Variants in GNAO1 observed in about 807,000 individuals in gnomAD.
GNAO1 encodes the protein G protein subunit alpha o1.
For synonymous variants in GNAO1, 164 were observed against 180.7 expected, an observed-to-expected ratio of 0.91 and a Z score of 0.74; for missense variants, 166 against 478.7, an observed-to-expected ratio of 0.35 and a Z score of 6.10.
chr16:56,218,480 C>T (rs181547458), intron 2 of GNAO1, among the ~76,000 whole-genome samples: 4 of 152,032 alleles, frequency 2.6e-5, no homozygotes, highest in East Asian at 1.9e-4. Context: ...TGAGAGATGA[C>T]GAGACCTGGT....
intron 3 of GNAO1, chr16:56,276,814 T>A (rs1259675818): frequency 2.0e-5 from 3 of 152,170 alleles, no homozygotes; most frequent in Non-Finnish European, 4.4e-5. Flanking sequence ...CAGCTCTTTG[T>A]CCCTGTTTGG....
At chr16:56,247,071 C>G (rs2036752749) in intron 2 of GNAO1, among the ~76,000 whole-genome samples, 1 of 152,218 alleles carries the variant, frequency 6.6e-6, no homozygotes. Flanking sequence ...TCCCCGCAGT[C>G]TAATCCACTG....
At position 56,237,995 on chromosome 16, in the gene GNAO1, C is replaced by A. The variant is rs534537082; in HGVS notation, c.162-37936C>A. ...CATCTTTCTCAAAACTTTGGGCCAG[C>A]AGCATTATTTCATACATTTTACAAT... On this transcript the variant is annotated intron_variant, in intron 2 of 8. Transcript: ENST00000262493. 3.0e-3 allele frequency among the ~76,000 whole-genome samples: 451 copies of A among 152,282 alleles called. 2 individuals carry two copies. The highest frequency in any genetic ancestry group is 0.01 in the Middle Eastern group (3 of 294).
chr16:56,199,177 G>A (rs2036259970), intron 2 of GNAO1, among the ~76,000 whole-genome samples: 1 of 152,194 alleles, frequency 6.6e-6, no homozygotes, highest in Non-Finnish European at 1.5e-5. Context: ...TCCCATGGGG[G>A]TGTAGGGTAT....
intron 2 of GNAO1, chr16:56,194,348 T>C (rs1234874254): frequency 1.6e-5 from 7 of 442,140 alleles, no homozygotes; most frequent in Admixed American, 1.2e-4. Flanking sequence ...GATCTGTAAA[T>C]GCAAGCCGCG....
At chr16:56,254,651 A>T (rs7186785) in intron 2 of GNAO1, among the ~76,000 whole-genome samples, 19,608 of 152,084 alleles carry the variant, frequency 0.13, 1,588 homozygotes, top group African/African-American at 0.22. Context: ...TTCTGTTTTT[A>T]ATGAGTAATC....
chr16:56,244,969 GC>G (rs1413359877), intron 2 of GNAO1, among the ~76,000 whole-genome samples: 3 of 152,110 alleles, frequency 2.0e-5, no homozygotes, highest in Non-Finnish European at 4.4e-5. Context: ...GCTACTGATG[GC>G]CCCTCGGGTC....
Position 56,351,415 on chromosome 16 carries a change from A to G in GNAO1, c.755A>G (p.Asp252Gly). The G allele has an allele frequency of 6.2e-7, 1 of 1,612,420 alleles. No individual in the cohort carries two copies. ...NRMHESLMLF[D>G]SICNNKFFID... is the part of the protein sequence containing the mutation. Reference sequence around the variant, plus strand: ...ATGCACGAGTCTCTCATGCTCTTCGACTCCATCTGTAACAACAAGTTCTTC... The same window carrying G: ...ATGCACGAGTCTCTCATGCTCTTCGGCTCCATCTGTAACAACAAGTTCTTC... Residue 252 changes from aspartate (D) to glycine (G), a missense_variant, in exon 7 of 9, where the codon GAC becomes GGC. Physicochemically the swap from Asp to Gly is moderately conservative, Grantham distance 94. Coordinates refer to ENST00000262493, the MANE Select transcript of GNAO1 (RefSeq NM_020988.3). The surrounding 1 kb of genome is among the most constrained non-coding windows in gnomAD (Gnocchi z 6.1).
At chr16:56,212,149 T>C (rs2036395182) in intron 2 of GNAO1, among the ~76,000 whole-genome samples, 1 of 152,216 alleles carries the variant, frequency 6.6e-6, no homozygotes, top group African/African-American at 2.4e-5. Context: ...AAAATGTAAA[T>C]GTTCTTTTCA....
chr16:56,324,813 C>T (rs1315568844), intron 3 of GNAO1, among the ~76,000 whole-genome samples: 5 of 152,248 alleles, frequency 3.3e-5, no homozygotes, highest in African/African-American at 1.2e-4. Context: ...GCCTTCCAGC[C>T]TCTGCACCAT....
At chr16:56,347,434 T>C (rs1333131460) in intron 6 of GNAO1, 8 of 985,382 alleles carry the variant, frequency 8.1e-6, no homozygotes, top group Admixed American at 6.1e-5. Context: ...GTGGTAGGGC[T>C]CCCCATCTCC....
At chr16:56,323,157 G>A (rs1437279988) in intron 3 of GNAO1, among the ~76,000 whole-genome samples, 1 of 152,180 alleles carries the variant, frequency 6.6e-6, no homozygotes, top group Non-Finnish European at 1.5e-5. Flanking sequence ...CTGTATGGCT[G>A]GAGCCCCGTG....
In GNAO1 at chr16:56,240,121, A is replaced by G. The variant is rs552192069; in HGVS notation, c.162-35810A>G. The stretch of plus-strand genomic sequence containing the variant: ...TTAGGGTGGGGACACAGCCAGCCCC[A>G]GTGTAATCTTACAATGGAGATGGGA... On this transcript the variant is annotated intron_variant, in intron 2 of 8. Coordinates refer to ENST00000262493, the MANE Select transcript of GNAO1 (RefSeq NM_020988.3). Among the ~76,000 whole-genome samples the G allele has an allele frequency of 1.0e-3, 159 of 152,280 alleles. 3 individuals are homozygous for G. Among genetic ancestry groups the G allele is most frequent in the African/African-American group, 3.6e-3 (150 of 41,560 alleles).
At chr16:56,302,196 C>G (rs2037352225) in intron 3 of GNAO1, 1 of 152,286 alleles carries the variant, frequency 6.6e-6, no homozygotes, top group South Asian at 2.1e-4. Flanking sequence ...TCCCTGGGTT[C>G]TAGAATCTTG....
chr16:56,356,303 A>G lies in GNAO1; in HGVS notation c.*229A>G, dbSNP rs1193370662. The G allele has an allele frequency of 6.6e-6, 1 of 152,622 alleles. No homozygotes were observed. Among genetic ancestry groups the G allele is most frequent in the Non-Finnish European group, 1.5e-5 (1 of 68,012 alleles). 9.5% of individuals were successfully genotyped at this position (152,622 alleles called of 1,614,324 possible). ...ACATTTAGAATTTGAAAGGAAAAAC[A>G]GAACATTTCTCATGTGCTTTGTAGC... On this transcript the variant is annotated 3_prime_UTR_variant, in exon 9 of 9. Coordinates refer to ENST00000262493, the MANE Select transcript of GNAO1 (RefSeq NM_020988.3).
intron 2 of GNAO1, among the ~76,000 whole-genome samples, chr16:56,203,312 A>G (rs2036297231): frequency 6.6e-6 from 1 of 152,068 alleles, no homozygotes; most frequent in Non-Finnish European, 1.5e-5. Context: ...TCCTCTGGCC[A>G]CAGTGATTGG....
intron 3 of GNAO1, 119 bp from the exon 4 acceptor site, chr16:56,328,512 C>T (rs530637930): frequency 1.3e-4 from 128 of 999,122 alleles, no homozygotes; most frequent in Admixed American, 3.1e-4. Context: ...GGCTGAGCTG[C>T]GGTCCTGCTG....
chr16:56,291,216 C>T (rs573988027), intron 3 of GNAO1, among the ~76,000 whole-genome samples: 206 of 152,270 alleles, frequency 1.4e-3, no homozygotes, highest in African/African-American at 3.9e-3. Flanking sequence ...GTGGCTACAC[C>T]GTCTTACATT....
chr16:56,329,823 A>G (rs573250033), intron 4 of GNAO1, among the ~76,000 whole-genome samples: 2 of 152,224 alleles, frequency 1.3e-5, no homozygotes, highest in Admixed American at 1.3e-4. Flanking sequence ...CAACATCGGG[A>G]GACATTTTTG....
Sources: gnomAD v4.1 joint callset for allele counts (sites outside exome capture counted in the v4.1 genomes callset) on GRCh38, gnomAD v4.1.1 for gene constraint, Gnocchi (gnomAD v3.1) non-coding constraint, MANE v1.5 for transcripts, NCBI Gene and HGNC (gene_info 2026-07-23, HGNC 2026-07-21) for gene names.